The following IL20RA variants were observed in gnomAD, a reference collection of about 807,000 sequenced individuals.
IL20RA encodes the protein interleukin-20 receptor subunit alpha.
IL20RA carries 29 observed loss-of-function variants against 36.5 expected under a neutral mutation model. The ratio of observed to expected loss-of-function variants is 0.79; its 90% CI spans 0.59 to 1.08. IL20RA has a LOEUF of 1.08. Among genes scored for constraint, IL20RA ranks in the 50% least tolerant of loss-of-function variants. IL20RA has a pLI of 0.00. For missense variants in IL20RA, 652 were observed against 668.4 expected (o/e 0.98, Z 0.27); for synonymous variants, 279 against 267.1 (o/e 1.04, Z -0.43).
chr6:137,030,256 A>G (rs2115413355), intron 1 of IL20RA, among the ~76,000 whole-genome samples: 1 of 151,238 alleles, frequency 6.6e-6, no homozygotes, highest in East Asian at 1.9e-4. Context: ...AAGTTTTAAA[A>G]CATTGTTTTG....
chr6:137,037,294 C>G (rs1045983017), intron 1 of IL20RA, among the ~76,000 whole-genome samples: 2 of 152,026 alleles, frequency 1.3e-5, no homozygotes, highest in Non-Finnish European at 2.9e-5. Flanking sequence ...GCGATTGCTA[C>G]CCTCAAAAAA....
rs1357069701 is a variant in IL20RA, at chr6:137,044,885, C to T, written c.-157G>A. 4.8e-6 allele frequency: 3 copies of T among 620,566 alleles called. No individual in the cohort carries two copies. Among genetic ancestry groups the T allele is most frequent in the Non-Finnish European group, 6.8e-6 (3 of 443,188 alleles). The allele number at this position is 620,566 out of a possible 1,614,324, so 38.4% of individuals were successfully genotyped here. A position where few individuals can be genotyped will look rare whatever the true frequency, so the allele number is the denominator to read the frequency against. ...TCCCAGGGCGCCTCCGCCACAGCCG[C>T]GTCCCCCAGGCTTCCCCAGAAACCA... On this transcript the variant is annotated 5_prime_UTR_variant, in exon 1 of 7. Coordinates refer to ENST00000316649, the MANE Select transcript of IL20RA (RefSeq NM_014432.4).
At chr6:137,012,971 ATT>A (rs527639709) in intron 2 of IL20RA, among the ~76,000 whole-genome samples, 1 of 149,132 alleles carries the variant, frequency 6.7e-6, no homozygotes, top group Non-Finnish European at 1.5e-5. Context: ...AGGGCTTTCA[ATT>A]TTTTTTTTTG....
intron 1 of IL20RA, chr6:137,044,261 G>C: frequency 8.1e-6 from 8 of 993,424 alleles, no homozygotes; most frequent in Non-Finnish European, 9.6e-6. Context: ...CGGTGGTGGC[G>C]GGAACCTGGG....
At chr6:137,028,807 A>G (rs1374848392) in intron 1 of IL20RA, among the ~76,000 whole-genome samples, 3 of 152,080 alleles carry the variant, frequency 2.0e-5, no homozygotes, top group Admixed American at 2.0e-4. Context: ...CATTTGAGGG[A>G]TGTTTCCTTT....
In IL20RA at chr6:137,017,086, C is replaced by A. The variant is rs557483918; in HGVS notation, c.106G>T (p.Gly36Cys). The A allele has an allele frequency of 6.2e-7, 1 of 1,613,214 alleles. No homozygotes were observed. The highest frequency in any genetic ancestry group is 1.3e-5 in the African/African-American group (1 of 74,966). The change falls in exon 2 of 7, where the codon GGT becomes TGT. Residue 36 changes from glycine to cysteine, a missense_variant. Transcript: ENST00000316649. ...WGRAVPCVSG[G>C]LPKPANITFL... Reference sequence around the variant, plus strand: ...GTGATGTTTGCAGGTTTAGGCAAACCACCAGAGACACAGGGAACTGAAAAA... The same window carrying A: ...GTGATGTTTGCAGGTTTAGGCAAACAACCAGAGACACAGGGAACTGAAAAA...
intron 1 of IL20RA, among the ~76,000 whole-genome samples, chr6:137,021,131 T>C (rs1443769177): frequency 2.0e-5 from 3 of 152,112 alleles, no homozygotes; most frequent in African/African-American, 4.8e-5. Context: ...TCTCTCTGCT[T>C]GTCGACATTT....
chr6:137,021,379 T>A (rs190659108), intron 1 of IL20RA, among the ~76,000 whole-genome samples: 1 of 152,050 alleles, frequency 6.6e-6, no homozygotes, highest in Non-Finnish European at 1.5e-5. Flanking sequence ...AAAAATAATG[T>A]TGTGGCCAGG....
At chr6:137,014,420 T>A (rs1194736869) in intron 2 of IL20RA, among the ~76,000 whole-genome samples, 2 of 152,178 alleles carry the variant, frequency 1.3e-5, no homozygotes, top group African/African-American at 2.4e-5. Context: ...GCAGAATAGA[T>A]GGACAAAAAT....
intron 3 of IL20RA, among the ~76,000 whole-genome samples, chr6:137,010,803 T>C (rs1775466629): frequency 1.3e-5 from 2 of 152,260 alleles, no homozygotes; most frequent in South Asian, 4.1e-4. Flanking sequence ...CCACATTAAA[T>C]AAAGTCATTT....
At chr6:137,040,445 C>T (rs1776648808) in intron 1 of IL20RA, among the ~76,000 whole-genome samples, 2 of 151,854 alleles carry the variant, frequency 1.3e-5, no homozygotes, top group African/African-American at 4.8e-5. Context: ...ATAGAAGGAA[C>T]CAGAGCTTCC....
intron 6 of IL20RA, among the ~76,000 whole-genome samples, chr6:137,004,159 C>CGTGTTTTT (rs531501235): frequency 1.1e-5 from 1 of 88,014 alleles, no homozygotes; most frequent in African/African-American, 5.6e-5. Context: ...ATCCAGAAAG[C>CGTGTTTTT]TTTTTTTTTT....
chr6:137,014,902 G>A (rs918815966), intron 2 of IL20RA, among the ~76,000 whole-genome samples: 29 of 152,080 alleles, frequency 1.9e-4, no homozygotes, highest in African/African-American at 6.3e-4. Flanking sequence ...TCTTTAGTTA[G>A]TGCTCCACCT....
intron 1 of IL20RA, among the ~76,000 whole-genome samples, chr6:137,020,635 A>G (rs565206648): frequency 3.3e-4 from 50 of 152,306 alleles, no homozygotes; most frequent in African/African-American, 1.1e-3. Context: ...GAAACTTACT[A>G]TCTTTTTAAT....
At chr6:137,028,416 A>T (rs1434705875) in intron 1 of IL20RA, among the ~76,000 whole-genome samples, 2 of 16,306 alleles carry the variant, frequency 1.2e-4, no homozygotes, top group Non-Finnish European at 0.013. Flanking sequence ...ACTCCATCTA[A>T]AAAAAAAAAA....
rs1437538154 is a variant in IL20RA at position 137,002,189 on chromosome 6, G to A, written c.1031C>T (p.Pro344Leu). 1 of 1,613,988 alleles carries A rather than the reference G, an allele frequency of 6.2e-7. No homozygotes were observed. The highest frequency in any genetic ancestry group is 2.2e-5 in the East Asian group (1 of 44,884). Residue 344 changes from proline to leucine, a missense_variant, in exon 7 of 7, where the codon CCC becomes CTC. Physicochemically the swap from Pro to Leu is moderately conservative, Grantham distance 98. Coordinates refer to ENST00000316649, the MANE Select transcript of IL20RA (RefSeq NM_014432.4). Reference protein sequence around the residue: ...SDVSSLNDPQPSGNLRPPQEE... With the variant: ...SDVSSLNDPQLSGNLRPPQEE... ...CTGAGGGGGCCTCAGGTTCCCGCTG[G>A]GCTGAGGATCATTAAGGCTGGATAC...
intron 1 of IL20RA, among the ~76,000 whole-genome samples, chr6:137,040,394 T>C (rs558452244): frequency 6.6e-6 from 1 of 151,786 alleles, no homozygotes; most frequent in South Asian, 2.1e-4. Flanking sequence ...GCAATAAGCA[T>C]GCCTCACACC....
At chr6:137,010,956 G>T (rs530712611) in intron 3 of IL20RA, among the ~76,000 whole-genome samples, 5 of 152,160 alleles carry the variant, frequency 3.3e-5, no homozygotes, top group South Asian at 2.1e-4. Flanking sequence ...TGAGACTCAG[G>T]CTGGGTGCGG....
intron 2 of IL20RA, among the ~76,000 whole-genome samples, chr6:137,014,687 G>A (rs1021615339): frequency 6.6e-6 from 1 of 151,992 alleles, no homozygotes; most frequent in Non-Finnish European, 1.5e-5. Flanking sequence ...ATGAAAATCA[G>A]TACACTTATA....
Sources: gnomAD v4.1 joint callset for allele counts (sites outside exome capture counted in the v4.1 genomes callset) on GRCh38, gnomAD v4.1.1 for gene constraint, MANE v1.5 for transcripts, NCBI Gene and HGNC (gene_info 2026-07-23, HGNC 2026-07-21) for gene names.